The following ZFPM2 variants were observed in gnomAD, a reference collection of about 807,000 sequenced individuals.
ZFPM2 encodes zinc finger protein ZFPM2.
Under a neutral mutation model 98.6 loss-of-function variants are expected in ZFPM2, and 20 were observed. The observed-to-expected ratio is 0.20, with a 90% confidence interval of 0.14 to 0.29. The LOEUF is 0.29. Among genes scored for constraint, ZFPM2 ranks in the 10% least tolerant of loss-of-function variants. The probability of loss-of-function intolerance (pLI) is 1.00; values close to 1 mark genes in which losing one functional copy is unlikely to be tolerated. For synonymous variants in ZFPM2, 518 were observed against 502.7 expected (o/e 1.03, Z -0.41); for missense variants, 1,310 against 1,388.6 (o/e 0.94, Z 0.90).
chr8:105,325,160 A>G (rs1737098079), intron 1 of ZFPM2, among the ~76,000 whole-genome samples: 1 of 151,856 alleles, frequency 6.6e-6, no homozygotes, highest in Non-Finnish European at 1.5e-5. Flanking sequence ...CTCTCATCAA[A>G]CGAATAGCAG....
intron 4 of ZFPM2, among the ~76,000 whole-genome samples, chr8:105,613,673 A>G (rs1187928321): frequency 6.6e-6 from 1 of 152,104 alleles, no homozygotes; most frequent in Non-Finnish European, 1.5e-5. Flanking sequence ...GGACCCATTC[A>G]CTTTCAGGTT....
intron 1 of ZFPM2, among the ~76,000 whole-genome samples, chr8:105,406,287 C>A (rs545864428): frequency 3.9e-5 from 6 of 152,022 alleles, no homozygotes; most frequent in Non-Finnish European, 8.8e-5. Context: ...TTAATTAGAT[C>A]CCAATTGTCA....
chr8:105,345,214 G>T (rs1812497392), intron 1 of ZFPM2, among the ~76,000 whole-genome samples: 1 of 152,072 alleles, frequency 6.6e-6, no homozygotes, highest in African/African-American at 2.4e-5. Context: ...GATCTTAACA[G>T]AAGAATTTTT....
At chr8:105,661,240 T>A (rs1285687987) in intron 5 of ZFPM2, among the ~76,000 whole-genome samples, 1 of 152,146 alleles carries the variant, frequency 6.6e-6, no homozygotes, top group African/African-American at 2.4e-5. Flanking sequence ...AGATTATAAA[T>A]AAAAATTGTA....
chr8:105,562,756 C>T (rs1815167059), intron 4 of ZFPM2, among the ~76,000 whole-genome samples: 1 of 152,228 alleles, frequency 6.6e-6, no homozygotes, highest in South Asian at 2.1e-4. Flanking sequence ...CTGTGTCTGC[C>T]TGGGTCGTCT....
chr8:105,399,502 A>C (rs1198813608), intron 1 of ZFPM2, among the ~76,000 whole-genome samples: 2 of 152,268 alleles, frequency 1.3e-5, no homozygotes, highest in East Asian at 1.9e-4. Flanking sequence ...AAAAGTGTGC[A>C]TTTAATCGTT....
chr8:105,675,036 G>C (rs1810410246), intron 5 of ZFPM2, among the ~76,000 whole-genome samples: 1 of 152,068 alleles, frequency 6.6e-6, no homozygotes, highest in Admixed American at 6.5e-5. Context: ...AGGTGTACAA[G>C]GTCATGAACT....
chr8:105,478,110 T>C (rs1357542003), intron 3 of ZFPM2, among the ~76,000 whole-genome samples: 1 of 152,228 alleles, frequency 6.6e-6, no homozygotes, highest in Non-Finnish European at 1.5e-5. Context: ...TTCATTGTTT[T>C]CCTCATTAGA....
intron 1 of ZFPM2, among the ~76,000 whole-genome samples, chr8:105,418,353 C>A (rs192299255): frequency 6.6e-6 from 1 of 152,242 alleles, no homozygotes; most frequent in African/African-American, 2.4e-5. Flanking sequence ...AATTCACAAT[C>A]AGCCCAGTGG....
In ZFPM2 at chr8:105,330,633, CATAT is replaced by C. The variant is rs35450744; in HGVS notation, c.40+11665_40+11668del. ...ATACACATATATATATATATATATA[CATAT>C]ATATATATATATTTTTCAGGAATAG... is the stretch of plus-strand genomic sequence containing the variant. On this transcript the variant is annotated intron_variant, in intron 1 of 7. Transcript: ENST00000407775. 1.7e-3 allele frequency among the ~76,000 whole-genome samples: 141 copies of C among 85,448 alleles called. 1 individual carries two copies. Among genetic ancestry groups the C allele is most frequent in the African/African-American group, 6.2e-3 (139 of 22,500 alleles). The allele number at this position is 85,448 out of a possible 152,430, so 56.1% of individuals were successfully genotyped here.
intron 1 of ZFPM2, among the ~76,000 whole-genome samples, chr8:105,394,616 A>T (rs1347004501): frequency 1.3e-5 from 2 of 152,306 alleles, no homozygotes; most frequent in Admixed American, 6.5e-5. Flanking sequence ...GGATATTATT[A>T]TGGTATTTTG....
At chr8:105,544,849 C>T (rs79382682) in intron 3 of ZFPM2, among the ~76,000 whole-genome samples, 5 of 152,082 alleles carry the variant, frequency 3.3e-5, no homozygotes, top group East Asian at 1.9e-4. Context: ...TCCACATGTT[C>T]GTACACAGCT....
chr8:105,483,795 G>A (rs1209086118), intron 3 of ZFPM2, among the ~76,000 whole-genome samples: 10 of 148,218 alleles, frequency 6.7e-5, no homozygotes, highest in East Asian at 2.0e-4. Context: ...GTCCAGTGGC[G>A]CGATCTTGGC....
At chr8:105,464,790 G>T (rs33916644) in intron 3 of ZFPM2, among the ~76,000 whole-genome samples, 12,861 of 151,978 alleles carry the variant, frequency 0.085, 662 homozygotes, top group South Asian at 0.14. Flanking sequence ...GTCAGTCTGG[G>T]CAAACAATGT....
chr8:105,388,438 A>C (rs1161759441), intron 1 of ZFPM2, among the ~76,000 whole-genome samples: 6 of 152,182 alleles, frequency 3.9e-5, no homozygotes, highest in Non-Finnish European at 8.8e-5. Context: ...GTCGTGAAAG[A>C]TGAGAAGGCA....
At chr8:105,793,142 T>C (rs1264120656) in intron 6 of ZFPM2, among the ~76,000 whole-genome samples, 2 of 152,148 alleles carry the variant, frequency 1.3e-5, no homozygotes, top group Non-Finnish European at 2.9e-5. Flanking sequence ...TGTTAGCTGG[T>C]TATTTTGCTC....
At chr8:105,644,090 C>G (rs1816995567) in intron 5 of ZFPM2, among the ~76,000 whole-genome samples, 1 of 151,992 alleles carries the variant, frequency 6.6e-6, no homozygotes, top group Non-Finnish European at 1.5e-5. Context: ...TGAACTAAAC[C>G]TACAAACTTA....
chr8:105,687,211 GGTCACACT>G (rs1810760152), intron 5 of ZFPM2, among the ~76,000 whole-genome samples: 1 of 152,158 alleles, frequency 6.6e-6, no homozygotes, highest in African/African-American at 2.4e-5. Context: ...TATGGAGGAA[GGTCACACT>G]GCCAGCCTAT....
intron 2 of ZFPM2, 46 bp downstream of exon 2, chr8:105,419,348 T>C: frequency 4.5e-6 from 7 of 1,571,444 alleles, no homozygotes; most frequent in Non-Finnish European, 6.0e-6. Flanking sequence ...ACTTAAATGA[T>C]TTTGTAATGT....
Sources: allele counts gnomAD v4.1 joint callset (sites outside exome capture counted in the v4.1 genomes callset), GRCh38; gene constraint gnomAD v4.1.1; transcripts MANE v1.5; gene names NCBI Gene and HGNC (gene_info 2026-07-23, HGNC 2026-07-21).